Variants in RAB2A observed in about 807,000 individuals in gnomAD.
The protein encoded by RAB2A is ras-related protein Rab-2A.
In RAB2A, 7 loss-of-function variants were observed where a neutral mutation model predicts 32.5. That is an observed-to-expected ratio of 0.22 (90% CI 0.12 to 0.40). The LOEUF is 0.40. Ranked by LOEUF, RAB2A falls within the 10% of genes least tolerant of loss-of-function variation. The probability of loss-of-function intolerance (pLI) is 1.00; values close to 1 mark genes in which losing one functional copy is unlikely to be tolerated. For synonymous variants in RAB2A, 79 were observed against 85.2 expected (o/e 0.93, Z 0.40); for missense variants, 108 against 260.7 (o/e 0.41, Z 4.03).
At chr8:60,601,385 G>A (rs1280693788) in intron 6 of RAB2A, among the ~76,000 whole-genome samples, 4 of 151,218 alleles carry the variant, frequency 2.6e-5, no homozygotes, top group African/African-American at 9.7e-5. Context: ...TCACCCAGTT[G>A]GGAATGCATT....
intron 6 of RAB2A, among the ~76,000 whole-genome samples, chr8:60,609,415 A>G (rs1586114161): frequency 6.6e-6 from 1 of 152,084 alleles, no homozygotes. Context: ...CCTTAGTATG[A>G]TATCATTGCA....
chr8:60,518,027 A>G (rs941943123), intron 1 of RAB2A, among the ~76,000 whole-genome samples: 2 of 147,906 alleles, frequency 1.4e-5, no homozygotes, highest in African/African-American at 4.9e-5. Context: ...CTGATGTTTT[A>G]GATATGTCAA....
At chr8:60,532,510 A>G (rs911480727) in intron 1 of RAB2A, among the ~76,000 whole-genome samples, 4 of 152,044 alleles carry the variant, frequency 2.6e-5, no homozygotes, top group African/African-American at 9.7e-5. Context: ...TTTCATAGCT[A>G]CGTGGATTTT....
chr8:60,599,614 G>A (rs949895330), intron 6 of RAB2A, among the ~76,000 whole-genome samples: 5 of 152,130 alleles, frequency 3.3e-5, no homozygotes, highest in African/African-American at 1.2e-4. Context: ...AAGTAACCTG[G>A]AAACACGCGT....
chr8:60,537,870 G>A (rs1431726687), intron 1 of RAB2A, among the ~76,000 whole-genome samples: 3 of 152,008 alleles, frequency 2.0e-5, no homozygotes, highest in African/African-American at 7.2e-5. Context: ...TGTAGAGACA[G>A]GATCTCACTA....
At chr8:60,521,322 A>G (rs1807299625) in intron 1 of RAB2A, among the ~76,000 whole-genome samples, 1 of 152,186 alleles carries the variant, frequency 6.6e-6, no homozygotes, top group Admixed American at 6.5e-5. Context: ...TGTAGTTGAA[A>G]GTTTATTTCT....
intron 1 of RAB2A, among the ~76,000 whole-genome samples, chr8:60,540,790 T>TTA (rs1228724310): frequency 6.6e-6 from 1 of 152,194 alleles, no homozygotes; most frequent in East Asian, 1.9e-4. Flanking sequence ...CCCATTTTTT[T>TTA]TATATAAGAG....
chr8:60,571,934 C>G (rs17822578), intron 2 of RAB2A, 112 bp from the exon 3 acceptor site: 29,533 of 619,228 alleles, frequency 0.048, 921 homozygotes, highest in South Asian at 0.063. Context: ...TAAAGTTGAT[C>G]TGTATATTAC....
At chr8:60,587,211 T>A (rs920319963) in intron 5 of RAB2A, among the ~76,000 whole-genome samples, 18 of 152,164 alleles carry the variant, frequency 1.2e-4, no homozygotes, top group Non-Finnish European at 2.4e-4. Context: ...AGTAGATTCA[T>A]ATATATATGA....
At chr8:60,549,221 C>T (rs904898303) in intron 1 of RAB2A, among the ~76,000 whole-genome samples, 4 of 152,308 alleles carry the variant, frequency 2.6e-5, no homozygotes, top group Admixed American at 2.6e-4. Context: ...AGACGCTCCT[C>T]ACTTCCCAGA....
chr8:60,545,228 G>C (rs757418173), intron 1 of RAB2A, among the ~76,000 whole-genome samples: 11 of 142,942 alleles, frequency 7.7e-5, no homozygotes, highest in Non-Finnish European at 7.6e-5. Flanking sequence ...TAAAATGCAA[G>C]AGGACTTAAT....
intron 6 of RAB2A, among the ~76,000 whole-genome samples, chr8:60,617,538 T>C (rs557898873): frequency 6.6e-6 from 1 of 152,282 alleles, no homozygotes; most frequent in South Asian, 2.1e-4. Context: ...GTCATGATGT[T>C]TTCTTTTGAG....
At chr8:60,535,411 CAT>C (rs1228130918) in intron 1 of RAB2A, among the ~76,000 whole-genome samples, 1 of 152,162 alleles carries the variant, frequency 6.6e-6, no homozygotes, top group African/African-American at 2.4e-5. Context: ...TGTGTGTGTA[CAT>C]GTGTCCCAAT....
intron 3 of RAB2A, among the ~76,000 whole-genome samples, chr8:60,582,373 T>G (rs1055717189): frequency 1.3e-5 from 2 of 152,208 alleles, no homozygotes; most frequent in Admixed American, 6.5e-5. Context: ...AGGGTCTAAT[T>G]GTTATTTTCC....
chr8:60,618,724 T>C, intron 7 of RAB2A, 76 bp downstream of exon 7: 1 of 495,286 alleles, frequency 2.0e-6, no homozygotes, highest in Middle Eastern at 8.3e-4. Flanking sequence ...TTTTTTATTT[T>C]ATAATTCATT....
At chr8:60,547,714 C>T (rs574248485) in intron 1 of RAB2A, among the ~76,000 whole-genome samples, 5 of 114,642 alleles carry the variant, frequency 4.4e-5, no homozygotes, top group East Asian at 3.2e-4. Context: ...CTGACCCCCC[C>T]ACCTCCCTCC....
intron 1 of RAB2A, among the ~76,000 whole-genome samples, chr8:60,548,675 C>T (rs1309868983): frequency 6.8e-6 from 1 of 146,308 alleles, no homozygotes; most frequent in Non-Finnish European, 1.5e-5. Context: ...GACGGAGTGG[C>T]TGGCCGGGCA....
chr8:60,540,300 A>G (rs1227028401), intron 1 of RAB2A, among the ~76,000 whole-genome samples: 1 of 151,880 alleles, frequency 6.6e-6, no homozygotes. Flanking sequence ...AGAGGTTCCT[A>G]GAGGCCTTGT....
chr8:60,540,138 G>A (rs752284788), intron 1 of RAB2A, among the ~76,000 whole-genome samples: 7 of 149,624 alleles, frequency 4.7e-5, no homozygotes, highest in Non-Finnish European at 7.4e-5. Context: ...ATATAGTAGC[G>A]TAGACATACT....
Sources: allele counts gnomAD v4.1 joint callset (sites outside exome capture counted in the v4.1 genomes callset), GRCh38; gene constraint gnomAD v4.1.1; transcripts MANE v1.5; gene names NCBI Gene and HGNC (gene_info 2026-07-23, HGNC 2026-07-21).